Variants in TUBA1B observed in about 807,000 individuals in gnomAD.
TUBA1B encodes the protein tubulin alpha-1B chain.
A neutral mutation model predicts 34.4 loss-of-function variants in TUBA1B; 1 was observed. The ratio of observed to expected loss-of-function variants is 0.03; its 90% CI spans 0.01 to 0.14. The LOEUF is 0.14. TUBA1B is among the 10% of genes least tolerant of loss of function. TUBA1B has a pLI of 1.00. For synonymous variants in TUBA1B, 197 were observed against 212.5 expected (o/e 0.93, Z 0.64); for missense variants, 54 against 583.6 (o/e 0.09, Z 9.35).
At chr12:49,129,451 ACCT>A in intron 2 of TUBA1B, 46 bp downstream of exon 2, 1 of 1,613,594 alleles carries the variant, frequency 6.2e-7, no homozygotes, top group Non-Finnish European at 8.5e-7. Flanking sequence ...CCCTGGACAG[ACCT>A]CCTGTCCCAG....
intron 1 of TUBA1B, chr12:49,130,374 GGC>G: frequency 7.8e-7 from 1 of 1,288,674 alleles, no homozygotes; most frequent in Non-Finnish European, 1.0e-6. Flanking sequence ...AGCAATTCCG[GGC>G]GCGCGCTCTT....
In TUBA1B at chr12:49,128,840, T is replaced by C. The variant is rs1170121617; in HGVS notation, c.474A>G (p.Ser158=). The change falls in exon 4 of 4, where the codon TCA becomes TCG. Residue 158 remains serine, a synonymous_variant. Transcript: ENST00000336023. This position sits in a 1 kb window ranked among gnomAD's most constrained non-coding sequence, Gnocchi z 8.1. The part of the protein sequence containing the change: ...GFTSLLMERL[S]VDYGKKSKLE... ...GCTTGGACTTCTTGCCATAATCAAC[T>C]GAGAGACGTTCCATGAGCAGGGAGG... 6 of 1,613,956 alleles carry C rather than the reference T, an allele frequency of 3.7e-6. No individual in the cohort carries two copies. The highest frequency in any genetic ancestry group is 5.1e-6 in the Non-Finnish European group (6 of 1,179,994).
intron 1 of TUBA1B, chr12:49,130,590 T>C (rs571908526): frequency 8.9e-5 from 31 of 349,158 alleles, no homozygotes; most frequent in Admixed American, 5.3e-4. Context: ...TGCCACCACC[T>C]GCTCCCCTGA....
chr12:49,129,651 G>A lies in TUBA1B; in HGVS notation c.75C>T (p.Cys25=). The A allele has an allele frequency of 6.2e-7, 1 of 1,614,228 alleles. No individual in the cohort carries two copies. The highest frequency in any genetic ancestry group is 8.5e-7 in the Non-Finnish European group (1 of 1,180,046). The change falls in exon 2 of 4, where the codon TGC becomes TGT. Residue 25 remains cysteine (C), a synonymous_variant. Coordinates refer to ENST00000336023, the MANE Select transcript of TUBA1B (RefSeq NM_006082.3). ...QIGNACWELY[C]LEHGIQPDGQ... ...CATCGGGCTGGATGCCGTGTTCCAG[G>A]CAGTAGAGCTCCCAGCAGGCATTGC...
chr12:49,130,237 C>G, intron 1 of TUBA1B: 1 of 1,287,166 alleles, frequency 7.8e-7, no homozygotes, highest in Non-Finnish European at 1.0e-6. Flanking sequence ...GCCCCAGAAG[C>G]CCACTTTAGA....
At chr12:49,129,053 G>T in intron 3 of TUBA1B, 115 bp from the exon 4 acceptor site, 1 of 1,515,774 alleles carries the variant, frequency 6.6e-7, no homozygotes, top group Non-Finnish European at 8.8e-7. Flanking sequence ...ACAAGGAATT[G>T]GCAAAACAGA....
chr12:49,130,582 C>T (rs967258643), intron 1 of TUBA1B: 4 of 349,526 alleles, frequency 1.1e-5, no homozygotes, highest in African/African-American at 6.4e-5. Flanking sequence ...TCCCTTACTG[C>T]CACCACCTGC....
rs770251605 is a variant in TUBA1B at position 49,131,333 on chromosome 12, G to C, written c.-33C>G. ...AGGGATTAGGAGGCGAAGGCGACAGGAGCAGACACCGGGTCCCGGTTACCG... is the reference window on the plus strand; with the variant it reads ...AGGGATTAGGAGGCGAAGGCGACAGCAGCAGACACCGGGTCCCGGTTACCG... On this transcript the variant is annotated 5_prime_UTR_variant, in exon 1 of 4. Transcript: ENST00000336023. The C allele has an allele frequency of 3.1e-6, 5 of 1,610,262 alleles. No individual in the cohort carries two copies. In the Admixed American group the frequency reaches 8.4e-5, roughly 27 times the overall value.
intron 1 of TUBA1B, chr12:49,129,989 C>T (rs11614404): frequency 9.9e-7 from 1 of 1,014,044 alleles, no homozygotes; most frequent in Non-Finnish European, 1.4e-6. Flanking sequence ...GCTGTGTTAC[C>T]TAGGCTACTC....
intron 3 of TUBA1B, 46 bp downstream of exon 3, chr12:49,129,195 TG>T (rs1941773919): frequency 6.2e-7 from 1 of 1,612,448 alleles, no homozygotes; most frequent in South Asian, 1.1e-5. Flanking sequence ...CAACTTGCAC[TG>T]GAACTATCAC....
chr12:49,130,152 G>GACCAT, intron 1 of TUBA1B: 1 of 1,220,110 alleles, frequency 8.2e-7, no homozygotes, highest in Non-Finnish European at 1.0e-6. Flanking sequence ...CCTCCTTCCA[G>GACCAT]ACCAAGACAG....
intron 1 of TUBA1B, chr12:49,130,726 CA>C: frequency 1.5e-5 from 3 of 193,554 alleles, no homozygotes; most frequent in Non-Finnish European, 2.2e-5. Context: ...TTGCTTTCAT[CA>C]AAAAAAGAAC....
At chr12:49,130,036 T>A (rs1941783952) in intron 1 of TUBA1B, 3 of 1,169,870 alleles carry the variant, frequency 2.6e-6, no homozygotes, top group South Asian at 3.3e-5. Context: ...TCTAAAGCGA[T>A]CTTTTCTAAA....
At position 49,129,915 on chromosome 12, in the gene TUBA1B, G is replaced by C. The variant is rs1248884760; in HGVS notation, c.4-193C>G. ...CCCACCTCAGCCTCTGGAGCAGCTGGGACCACAGGCACAGACCACCAAGCT... is the reference window on the plus strand; with the variant it reads ...CCCACCTCAGCCTCTGGAGCAGCTGCGACCACAGGCACAGACCACCAAGCT... On this transcript the variant is annotated intron_variant, in intron 1 of 3. Transcript: ENST00000336023. 6.2e-6 allele frequency: 7 copies of C among 1,137,482 alleles called. 1 individual carries two copies. The South Asian group carries it at 6.4e-5, about 10-fold the overall frequency. 70.5% of individuals were successfully genotyped at this position (1,137,482 alleles called of 1,614,324 possible).
chr12:49,131,379 G>C lies in TUBA1B; in HGVS notation c.-79C>G. ...TACCGTCCCCGACAAGCTAAGAGTCGAGGTAAGTAACGCACTAGGGCGGGG... is the reference window on the plus strand; with the variant it reads ...TACCGTCCCCGACAAGCTAAGAGTCCAGGTAAGTAACGCACTAGGGCGGGG... On this transcript the variant is annotated 5_prime_UTR_variant, in exon 1 of 4. Coordinates refer to ENST00000336023, the MANE Select transcript of TUBA1B (RefSeq NM_006082.3). 6.4e-7 allele frequency: 1 copy of C among 1,561,850 alleles called. No individual in the cohort carries two copies. The highest frequency in any genetic ancestry group is 8.8e-7 in the Non-Finnish European group (1 of 1,142,696).
intron 1 of TUBA1B, 50 bp downstream of exon 1, chr12:49,131,248 G>A (rs772242815): frequency 6.3e-7 from 1 of 1,588,100 alleles, no homozygotes; most frequent in Admixed American, 1.8e-5. Context: ...CCGCCGGCTC[G>A]CTTTTCCCTG....
In TUBA1B at chr12:49,127,845, G is replaced by C. The variant is rs1196307330; in HGVS notation, c.*113C>G. The stretch of plus-strand genomic sequence containing the variant: ...AAATATTACAGGTACACATGGAAAA[G>C]ACATGATCACCAAGTGAAAACAATC... On this transcript the variant is annotated 3_prime_UTR_variant, in exon 4 of 4. Transcript: ENST00000336023. 2 of 1,495,754 alleles carry C rather than the reference G, an allele frequency of 1.3e-6. No homozygotes were observed. Among genetic ancestry groups the C allele is most frequent in the South Asian group, 2.5e-5 (2 of 81,538 alleles). 92.7% of individuals were successfully genotyped at this position (1,495,754 alleles called of 1,614,324 possible).
chr12:49,129,212 A>G (rs754021501), intron 3 of TUBA1B, 30 bp downstream of exon 3: 5 of 1,613,004 alleles, frequency 3.1e-6, no homozygotes, highest in Non-Finnish European at 4.2e-6. Context: ...ATCACACCAC[A>G]TTAAATGCAT....
intron 1 of TUBA1B, chr12:49,131,022 AAG>A: frequency 2.3e-6 from 1 of 430,540 alleles, no homozygotes; most frequent in Non-Finnish European, 4.4e-6. Flanking sequence ...TACGCGACAA[AAG>A]AGAGCTCCGG....
Sources: gnomAD v4.1 joint callset for allele counts on GRCh38, gnomAD v4.1.1 for gene constraint, Gnocchi (gnomAD v3.1) non-coding constraint, MANE v1.5 for transcripts, NCBI Gene and HGNC (gene_info 2026-07-23, HGNC 2026-07-21) for gene names.